The following TYW1 variants were observed in gnomAD, a reference collection of about 807,000 sequenced individuals.
TYW1 encodes S-adenosyl-L-methionine-dependent tRNA 4-demethylwyosine synthase TYW1.
TYW1 carries 46 observed loss-of-function variants against 96.2 expected under a neutral mutation model. The ratio of observed to expected loss-of-function variants is 0.48; its 90% CI spans 0.38 to 0.61. The LOEUF is 0.61. Among genes scored for constraint, TYW1 ranks in the 20% least tolerant of loss-of-function variants. The pLI is 0.00. For synonymous variants in TYW1, 274 were observed against 323.0 expected, an observed-to-expected ratio of 0.85 and a Z score of 1.63; for missense variants, 684 against 909.6, an observed-to-expected ratio of 0.75 and a Z score of 3.19.
chr7:67,207,705 CATTTTGTTTGCCTT>C (rs1563071737), intron 15 of TYW1, among the ~76,000 whole-genome samples: 6 of 79,034 alleles, frequency 7.6e-5, no homozygotes, highest in African/African-American at 3.2e-4. Context: ...GAGATGGAGT[CATTTTGTTTGCCTT>C]TTTTTTTTTT....
chr7:67,085,785 A>G (rs1796531408), intron 11 of TYW1, among the ~76,000 whole-genome samples: 1 of 152,086 alleles, frequency 6.6e-6, no homozygotes, highest in Non-Finnish European at 1.5e-5. Flanking sequence ...CCTGGCCAAC[A>G]TGGTGAAACC....
chr7:67,178,446 G>A (rs536538930), intron 13 of TYW1, among the ~76,000 whole-genome samples: 3 of 152,304 alleles, frequency 2.0e-5, no homozygotes, highest in African/African-American at 7.2e-5. Flanking sequence ...TGTCACAGTA[G>A]CATTTTATAA....
rs779228259 is a variant in TYW1 at position 67,146,600 on chromosome 7, C to T, written c.1698+28982C>T. ...TAATCTTCATTAAGTGAAAGGGAAT[C>T]AAAACTACAATTATAGATACTTGTA... On this transcript the variant is annotated intron_variant, in intron 13 of 15. Coordinates refer to ENST00000359626, the MANE Select transcript of TYW1 (RefSeq NM_018264.4). 7.9e-5 allele frequency among the ~76,000 whole-genome samples: 12 copies of T among 152,066 alleles called. No homozygotes were observed. The South Asian group carries it at 8.3e-4, about 11-fold the overall frequency.
chr7:67,005,732 T>A (rs145743932), intron 3 of TYW1, among the ~76,000 whole-genome samples: 1 of 152,238 alleles, frequency 6.6e-6, no homozygotes, highest in Non-Finnish European at 1.5e-5. Context: ...CCTCAGTGAC[T>A]GTTTGAAAAC....
chr7:67,187,692 C>CTCT (rs1340551130), intron 14 of TYW1, among the ~76,000 whole-genome samples: 4 of 152,142 alleles, frequency 2.6e-5, no homozygotes, highest in Admixed American at 2.6e-4. Flanking sequence ...TTTTAATTTG[C>CTCT]ATTTTAAATC....
intron 7 of TYW1, among the ~76,000 whole-genome samples, chr7:67,028,653 A>C (rs1342310617): frequency 2.0e-5 from 3 of 152,246 alleles, no homozygotes. Flanking sequence ...GGCTGTGAGT[A>C]AACAGGCACT....
At chr7:67,090,269 T>C (rs765275675) in intron 11 of TYW1, among the ~76,000 whole-genome samples, 66 of 152,220 alleles carry the variant, frequency 4.3e-4, no homozygotes, top group Admixed American at 7.9e-4. Flanking sequence ...GTATTATTTA[T>C]GACTTTTAGT....
chr7:67,159,325 G>A (rs991039065), intron 13 of TYW1, among the ~76,000 whole-genome samples: 1 of 152,132 alleles, frequency 6.6e-6, no homozygotes, highest in Non-Finnish European at 1.5e-5. Flanking sequence ...CCAGGGATAG[G>A]AGGCTACAGT....
chr7:67,183,990 G>C (rs1214437324), intron 14 of TYW1, among the ~76,000 whole-genome samples: 1 of 151,956 alleles, frequency 6.6e-6, no homozygotes, highest in African/African-American at 2.4e-5. Flanking sequence ...ACTATGCCTG[G>C]CTATTTTTTG....
Position 67,176,973 on chromosome 7 carries a change from C to T in TYW1, c.1699-6153C>T, listed in dbSNP as rs180770518. On this transcript the variant is annotated intron_variant, in intron 13 of 15. Transcript: ENST00000359626. ...TCAAGATGTTGCTAATTGTCCCCTG[C>T]GGTGCAGAATCGCTCCTGGTTGAGA... Among the ~76,000 whole-genome samples the T allele has an allele frequency of 5.4e-3, 815 of 152,114 alleles. 7 individuals carry two copies. Among genetic ancestry groups the T allele is most frequent in the African/African-American group, 0.019 (784 of 41,468 alleles).
intron 10 of TYW1, among the ~76,000 whole-genome samples, chr7:67,071,959 A>T (rs1390391655): frequency 1.4e-5 from 2 of 147,986 alleles, no homozygotes; most frequent in Non-Finnish European, 3.0e-5. Flanking sequence ...GCCATTTACA[A>T]CTCTGCCTTA....
chr7:67,160,062 A>G (rs1397841707), intron 13 of TYW1, among the ~76,000 whole-genome samples: 1 of 152,154 alleles, frequency 6.6e-6, no homozygotes, highest in African/African-American at 2.4e-5. Flanking sequence ...TCAGCCTCCC[A>G]AAGTGCTGGG....
intron 13 of TYW1, among the ~76,000 whole-genome samples, chr7:67,125,751 C>T (rs1563027121): frequency 6.6e-6 from 1 of 152,138 alleles, no homozygotes; most frequent in Non-Finnish European, 1.5e-5. Flanking sequence ...TCCCTGGCAA[C>T]CATGGATGGA....
At chr7:67,021,465 C>T (rs992886141) in intron 6 of TYW1, among the ~76,000 whole-genome samples, 18 of 152,296 alleles carry the variant, frequency 1.2e-4, no homozygotes, top group African/African-American at 4.3e-4. Flanking sequence ...ATGTCTTTCC[C>T]TGGCTGGGCC....
chr7:67,188,835 G>A (rs983541157), intron 14 of TYW1, among the ~76,000 whole-genome samples: 8 of 152,078 alleles, frequency 5.3e-5, no homozygotes, highest in South Asian at 2.1e-4. Flanking sequence ...TATGCCTGGA[G>A]CTCCCTGCAG....
At chr7:67,073,731 A>G (rs1182954733) in intron 10 of TYW1, among the ~76,000 whole-genome samples, 1 of 120,388 alleles carries the variant, frequency 8.3e-6, no homozygotes, top group Non-Finnish European at 1.6e-5. Flanking sequence ...CTATCATGCC[A>G]CTGCACTCCA....
intron 11 of TYW1, among the ~76,000 whole-genome samples, chr7:67,096,388 A>AAAAC (rs531228141): frequency 1.3e-4 from 20 of 152,096 alleles, no homozygotes; most frequent in Admixed American, 3.3e-4. Flanking sequence ...CTCCATCTCA[A>AAAAC]AAACAAACAA....
intron 12 of TYW1, among the ~76,000 whole-genome samples, chr7:67,109,350 G>C (rs1439328996): frequency 1.3e-5 from 2 of 151,706 alleles, no homozygotes; most frequent in African/African-American, 2.4e-5. Context: ...TATGTGGGTT[G>C]GATGTCAGCA....
intron 15 of TYW1, among the ~76,000 whole-genome samples, chr7:67,235,589 A>C (rs13236735): frequency 0.27 from 40,715 of 151,882 alleles, 5,820 homozygotes; most frequent in African/African-American, 0.36. Flanking sequence ...GGTCTTCTAG[A>C]TTTGTTAAGA....
Sources: allele counts gnomAD v4.1 joint callset (sites outside exome capture counted in the v4.1 genomes callset), GRCh38; gene constraint gnomAD v4.1.1; transcripts MANE v1.5; gene names NCBI Gene and HGNC (gene_info 2026-07-23, HGNC 2026-07-21).